Variants in GOLM1 observed in about 807,000 individuals in gnomAD.
GOLM1 encodes the protein epididymis luminal protein 46.
In GOLM1, 31 loss-of-function variants were observed where a neutral mutation model predicts 50.5. The observed-to-expected ratio is 0.61, with a 90% CI of 0.46 to 0.83. The LOEUF is 0.83. Among genes scored for constraint, GOLM1 ranks in the 40% least tolerant of loss-of-function variants. The pLI is 0.00. For synonymous variants in GOLM1, 178 were observed against 192.8 expected, an observed-to-expected ratio of 0.92 and a Z score of 0.64; for missense variants, 491 against 501.3, an observed-to-expected ratio of 0.98 and a Z score of 0.20.
chr9:86,081,750 A>G (rs1361357284), intron 1 of GOLM1, among the ~76,000 whole-genome samples: 7 of 151,604 alleles, frequency 4.6e-5, no homozygotes, highest in Non-Finnish European at 1.5e-5. Flanking sequence ...GCAGCCAGGC[A>G]TGGTGGCACA....
chr9:86,084,651 A>G (rs7048504), intron 1 of GOLM1, among the ~76,000 whole-genome samples: 36,626 of 152,040 alleles, frequency 0.24, 7,482 homozygotes, highest in African/African-American at 0.53. Flanking sequence ...AGTCTAAACT[A>G]TATAAAAAAT....
chr9:86,052,801 GGACCCGAGCAAAAGCCAACGGGTCCA>G (rs1433625577), intron 3 of GOLM1, among the ~76,000 whole-genome samples: 1 of 152,010 alleles, frequency 6.6e-6, no homozygotes, highest in Non-Finnish European at 1.5e-5. Context: ...CACCGCCTCT[GGACCCGAGCAAAAGCCAACGGGTCCA>G]GACCCCACTC....
At chr9:86,029,533 C>G (rs1459031012) in intron 9 of GOLM1, among the ~76,000 whole-genome samples, 1 of 152,148 alleles carries the variant, frequency 6.6e-6, no homozygotes, top group Non-Finnish European at 1.5e-5. Flanking sequence ...CAAATAAAAC[C>G]TAAAACCACG....
chr9:86,040,853 AT>A lies in GOLM1; in HGVS notation c.482del (p.Asn161IlefsTer3), dbSNP rs1247832675. The A allele has an allele frequency of 5.6e-6, 9 of 1,613,730 alleles. No homozygotes were observed. Among genetic ancestry groups the A allele is most frequent in the South Asian group, 1.1e-5 (1 of 91,032 alleles). On this transcript the variant is annotated frameshift_variant, in exon 6 of 10. Coordinates refer to ENST00000388712, the MANE Select transcript of GOLM1 (RefSeq NM_016548.4). LOFTEE classifies it high-confidence loss of function. Reference protein sequence around the residue: ...KFSYDLSQCINQMKEVKEQCE... With the variant: ...KFSYDLSQCIXQMKEVKEQCE... Reference sequence around the variant, plus strand: ...ACTGTTCCTTCACCTCCTTCATCTGATTGATGCACTGGCTCCTTTGGTGAAA... The same window carrying A: ...ACTGTTCCTTCACCTCCTTCATCTGATGATGCACTGGCTCCTTTGGTGAAA...
intron 3 of GOLM1, among the ~76,000 whole-genome samples, chr9:86,070,018 G>A (rs933939689): frequency 6.6e-6 from 1 of 151,914 alleles, no homozygotes; most frequent in Non-Finnish European, 1.5e-5. Flanking sequence ...AGAGTAGCTG[G>A]GATTTCAGGT....
intron 3 of GOLM1, among the ~76,000 whole-genome samples, chr9:86,060,676 G>A (rs1388281463): frequency 6.6e-6 from 1 of 151,928 alleles, no homozygotes. Context: ...GAGGTCAGGA[G>A]TTCCAGACCA....
intron 9 of GOLM1, among the ~76,000 whole-genome samples, chr9:86,031,627 A>AG (rs1402723234): frequency 1.3e-5 from 2 of 151,346 alleles, no homozygotes; most frequent in African/African-American, 2.4e-5. Flanking sequence ...ACGCCTGGCT[A>AG]ATTTTCTTGT....
intron 1 of GOLM1, among the ~76,000 whole-genome samples, chr9:86,092,037 C>G (rs1835200608): frequency 6.6e-6 from 1 of 152,078 alleles, no homozygotes; most frequent in Admixed American, 6.5e-5. Flanking sequence ...ACAGCCATGT[C>G]TGACACTGGC....
chr9:86,086,103 G>A (rs7858379), intron 1 of GOLM1, among the ~76,000 whole-genome samples: 36,797 of 152,108 alleles, frequency 0.24, 7,543 homozygotes, highest in African/African-American at 0.54. Context: ...GAGTAAAAGC[G>A]TTCCTATTTC....
chr9:86,056,636 G>T (rs919400653), intron 3 of GOLM1, among the ~76,000 whole-genome samples: 1 of 150,968 alleles, frequency 6.6e-6, no homozygotes, highest in Admixed American at 6.6e-5. Context: ...CTCCTGAGTA[G>T]CTGGGACTAC....
intron 3 of GOLM1, among the ~76,000 whole-genome samples, chr9:86,073,639 G>A (rs770756212): frequency 2.6e-5 from 4 of 152,126 alleles, no homozygotes; most frequent in African/African-American, 9.7e-5. Context: ...GGAACCACAG[G>A]AGACTCAGAC....
At chr9:86,098,198 T>C (rs1340707191) in intron 1 of GOLM1, among the ~76,000 whole-genome samples, 1 of 152,216 alleles carries the variant, frequency 6.6e-6, no homozygotes, top group Non-Finnish European at 1.5e-5. Context: ...AAGAATTGAG[T>C]GTCTGGCCTA....
intron 3 of GOLM1, among the ~76,000 whole-genome samples, chr9:86,053,117 CCACACCA>C (rs372769642): frequency 1.2e-4 from 9 of 74,972 alleles, no homozygotes; most frequent in African/African-American, 3.8e-4. Flanking sequence ...ACCACACACA[CCACACCA>C]CACACCACAC....
chr9:86,043,805 A>G (rs542804548), intron 5 of GOLM1, among the ~76,000 whole-genome samples: 2 of 152,266 alleles, frequency 1.3e-5, no homozygotes, highest in South Asian at 4.1e-4. Context: ...GCTTTCCTAC[A>G]TGGGGAGCAG....
At chr9:86,047,128 C>T (rs1221104276) in intron 4 of GOLM1, among the ~76,000 whole-genome samples, 1 of 142,846 alleles carries the variant, frequency 7.0e-6, no homozygotes, top group Non-Finnish European at 1.5e-5. Context: ...TCAACCAACA[C>T]TCTCATCAGG....
At chr9:86,076,220 A>T (rs1405817915) in intron 3 of GOLM1, among the ~76,000 whole-genome samples, 2 of 151,756 alleles carry the variant, frequency 1.3e-5, no homozygotes, top group Non-Finnish European at 2.9e-5. Context: ...GGAGTTCGAG[A>T]CCAACCTGAC....
At chr9:86,081,062 A>T (rs79777920) in intron 1 of GOLM1, among the ~76,000 whole-genome samples, 14,745 of 151,328 alleles carry the variant, frequency 0.097, 760 homozygotes, top group South Asian at 0.14. Context: ...ATTTTTTAAA[A>T]CAATTTTTGT....
chr9:86,076,421 CAAAAAAAAAAAAAAAAAAAAAA>C (rs58193076), intron 3 of GOLM1, among the ~76,000 whole-genome samples: 3 of 23,324 alleles, frequency 1.3e-4, no homozygotes, highest in Non-Finnish European at 2.6e-4. Context: ...AACCCCATCT[CAAAAAAAAAAAAAAAAAAAAAA>C]AAAAAAAAAA....
intron 5 of GOLM1, among the ~76,000 whole-genome samples, chr9:86,045,839 G>T (rs1324121247): frequency 6.6e-6 from 1 of 152,138 alleles, no homozygotes; most frequent in African/African-American, 2.4e-5. Flanking sequence ...ACAGTCATGA[G>T]GGCTGGGCCA....
Sources: gnomAD v4.1 joint callset for allele counts (sites outside exome capture counted in the v4.1 genomes callset) on GRCh38, gnomAD v4.1.1 for gene constraint, MANE v1.5 for transcripts, NCBI Gene and HGNC (gene_info 2026-07-23, HGNC 2026-07-21) for gene names.